ARID4B: variants seen among roughly 807,000 people sequenced by gnomAD.
ARID4B encodes the protein AT-rich interactive domain-containing protein 4B.
In ARID4B, 26 loss-of-function variants were observed where a neutral mutation model predicts 147.5. The ratio of observed to expected loss-of-function variants is 0.18; its 90% CI spans 0.13 to 0.24. The LOEUF (loss-of-function observed/expected upper bound fraction) is 0.24, where lower values mean the gene tolerates loss of function less well. Among genes scored for constraint, ARID4B ranks in the 10% least tolerant of loss-of-function variants. The pLI, the probability that ARID4B is intolerant of heterozygous loss-of-function variation, is 1.00. For missense variants in ARID4B, 1,179 were observed against 1,511.5 expected, an observed-to-expected ratio of 0.78 and a Z score of 3.65; for synonymous variants, 512 against 507.9, an observed-to-expected ratio of 1.01 and a Z score of -0.11.
At chr1:235,314,735 GATATATAACAAT>G (rs1254830159) in intron 2 of ARID4B, among the ~76,000 whole-genome samples, 1 of 151,848 alleles carries the variant, frequency 6.6e-6, no homozygotes, top group African/African-American at 2.4e-5. Flanking sequence ...TATCTTAAAT[GATATATAACAAT>G]ATATATAACA....
chr1:235,236,833 A>ATATATATATATATATATATATGT (rs1668597409), intron 8 of ARID4B, among the ~76,000 whole-genome samples: 1 of 33,520 alleles, frequency 3.0e-5, no homozygotes, highest in African/African-American at 1.5e-4. Context: ...TTTTATAAAA[A>ATATATATATATATATATATATGT]ATATATATAT....
intron 19 of ARID4B, among the ~76,000 whole-genome samples, chr1:235,183,591 C>A (rs192726006): frequency 6.6e-6 from 1 of 152,166 alleles, no homozygotes; most frequent in African/African-American, 2.4e-5. Flanking sequence ...AGCTGGAGTG[C>A]AGTGGCACAA....
chr1:235,181,691 C>T lies in ARID4B; in HGVS notation c.3228G>A (p.Gly1076=). The T allele has an allele frequency of 6.2e-7, 1 of 1,614,152 alleles. No homozygotes were observed. The highest frequency in any genetic ancestry group is 2.2e-5 in the East Asian group (1 of 44,888). The stretch of plus-strand genomic sequence containing the variant: ...CTTCAGACTGGAGGTCTTGGAGCTC[C>T]CCAGCAACACTATCCACCTCAATTG... ...DSTIEVDSVA[G]ELQDLQSEGN... The change falls in exon 20 of 24, where the codon GGG becomes GGA. Residue 1076 remains glycine, a synonymous_variant. Coordinates refer to ENST00000264183, the MANE Select transcript of ARID4B (RefSeq NM_016374.6).
At chr1:235,191,247 T>C (rs930648775) in intron 19 of ARID4B, among the ~76,000 whole-genome samples, 1 of 116,078 alleles carries the variant, frequency 8.6e-6, no homozygotes, top group Admixed American at 9.1e-5. Flanking sequence ...TCACATATTC[T>C]TTTTATTTTA....
chr1:235,236,833 A>AAAAAATATATAT (rs1175189621), intron 8 of ARID4B, among the ~76,000 whole-genome samples: 4 of 33,522 alleles, frequency 1.2e-4, no homozygotes, highest in East Asian at 3.0e-3. Context: ...TTTTATAAAA[A>AAAAAATATATAT]ATATATATAT....
intron 19 of ARID4B, among the ~76,000 whole-genome samples, chr1:235,192,583 A>G (rs547098573): frequency 6.6e-6 from 1 of 152,356 alleles, no homozygotes; most frequent in East Asian, 1.9e-4. Flanking sequence ...CACATCTACA[A>G]TAAGAAACAA....
At chr1:235,208,229 C>CA (rs1259203429) in intron 17 of ARID4B, among the ~76,000 whole-genome samples, 2 of 152,136 alleles carry the variant, frequency 1.3e-5, no homozygotes, top group African/African-American at 4.8e-5. Context: ...CCAACACACT[C>CA]AACTAGTTTA....
chr1:235,291,501 T>C (rs945560500), intron 2 of ARID4B, among the ~76,000 whole-genome samples: 11 of 152,086 alleles, frequency 7.2e-5, no homozygotes, highest in Middle Eastern at 3.4e-3. Flanking sequence ...TGGTTTAATT[T>C]TTTTGGTGTG....
intron 2 of ARID4B, among the ~76,000 whole-genome samples, chr1:235,307,115 A>G (rs1460798106): frequency 6.6e-5 from 10 of 152,184 alleles, no homozygotes; most frequent in Admixed American, 4.6e-4. Context: ...GGGAAGGGGG[A>G]ATGGGATAGA....
chr1:235,206,994 G>A (rs1161766111), intron 17 of ARID4B, among the ~76,000 whole-genome samples: 1 of 152,184 alleles, frequency 6.6e-6, no homozygotes, highest in Non-Finnish European at 1.5e-5. Context: ...GCAAGAAAAT[G>A]GGCCATGTCT....
chr1:235,267,468 T>C (rs557921691), intron 2 of ARID4B, among the ~76,000 whole-genome samples: 27 of 152,230 alleles, frequency 1.8e-4, no homozygotes, highest in African/African-American at 6.3e-4. Context: ...CAGTGTACCA[T>C]TTAAAAACCA....
intron 23 of ARID4B, among the ~76,000 whole-genome samples, chr1:235,170,805 C>T (rs539231468): frequency 2.5e-4 from 37 of 148,724 alleles, no homozygotes; most frequent in Middle Eastern, 3.6e-3. Flanking sequence ...CCTAGCTACC[C>T]GGGAGGCTGA....
intron 2 of ARID4B, among the ~76,000 whole-genome samples, chr1:235,273,609 A>T (rs1671128610): frequency 6.6e-6 from 1 of 152,270 alleles, no homozygotes; most frequent in Admixed American, 6.5e-5. Flanking sequence ...GATAAAATGT[A>T]GTCATATAGT....
intron 2 of ARID4B, among the ~76,000 whole-genome samples, chr1:235,296,512 C>T (rs577977163): frequency 6.6e-6 from 1 of 151,848 alleles, no homozygotes; most frequent in Non-Finnish European, 1.5e-5. Context: ...CACTCTATCA[C>T]CCAGGCTAGG....
At chr1:235,228,480 A>G (rs1414185849) in intron 11 of ARID4B, 3 of 149,680 alleles carry the variant, frequency 2.0e-5, no homozygotes, top group Admixed American at 1.3e-4. Flanking sequence ...CCTGCTAATT[A>G]TTTTTATTTT....
At position 235,196,176 on chromosome 1, in the gene ARID4B, C is replaced by T. The variant is rs1665477868; in HGVS notation, c.1842-61G>A. The T allele has an allele frequency of 6.2e-6, 5 of 807,704 alleles. No individual in the cohort carries two copies. In the South Asian group the frequency reaches 1.0e-4, roughly 17 times the overall value. 50.0% of individuals were successfully genotyped at this position (807,704 alleles called of 1,614,324 possible). On this transcript the variant is annotated intron_variant, in intron 17 of 23. Transcript: ENST00000264183. Reference sequence around the variant, plus strand: ...TATATACCACGGAAATAACCTATGCCATATTAAAGAGAAACTCATATAGAA... The same window carrying T: ...TATATACCACGGAAATAACCTATGCTATATTAAAGAGAAACTCATATAGAA...
At chr1:235,238,515 C>A (rs1572052818) in intron 8 of ARID4B, among the ~76,000 whole-genome samples, 1 of 152,074 alleles carries the variant, frequency 6.6e-6, no homozygotes, top group Non-Finnish European at 1.5e-5. Context: ...ATCAGCGGAT[C>A]TTCAGTTTAT....
chr1:235,271,652 T>TA (rs1670994893), intron 2 of ARID4B, among the ~76,000 whole-genome samples: 4 of 148,278 alleles, frequency 2.7e-5, no homozygotes, highest in Admixed American at 6.8e-5. Context: ...ATAAAATAAA[T>TA]AATAATAATA....
intron 19 of ARID4B, among the ~76,000 whole-genome samples, chr1:235,183,525 T>C (rs2102928843): frequency 6.6e-6 from 1 of 152,220 alleles, no homozygotes; most frequent in African/African-American, 2.4e-5. Flanking sequence ...TATACTCTTA[T>C]GAAACTATAG....
Sources: allele counts gnomAD v4.1 joint callset (sites outside exome capture counted in the v4.1 genomes callset), GRCh38; gene constraint gnomAD v4.1.1; transcripts MANE v1.5; gene names NCBI Gene and HGNC (gene_info 2026-07-23, HGNC 2026-07-21).